Variants in TERB1 observed in about 807,000 individuals in gnomAD.
The protein encoded by TERB1 is telomere repeat binding bouquet formation protein 1, also known as telomere repeats-binding bouquet formation protein 1.
Under a neutral mutation model 92.3 loss-of-function variants are expected in TERB1, and 63 were observed. The observed-to-expected ratio is 0.68, with a 90% CI of 0.56 to 0.84. The LOEUF (loss-of-function observed/expected upper bound fraction) is 0.84, where lower values mean the gene tolerates loss of function less well. Among genes scored for constraint, TERB1 ranks in the 40% least tolerant of loss-of-function variants. TERB1 has a pLI of 0.00. For missense variants in TERB1, 709 were observed against 843.7 expected (o/e 0.84, Z 1.98); for synonymous variants, 252 against 283.9 (o/e 0.89, Z 1.13).
chr16:66,790,738 GAAA>G lies in TERB1; in HGVS notation c.143-18_143-16del, dbSNP rs1043261781. On this transcript the variant is annotated splice_polypyrimidine_tract_variant and intron_variant, in intron 4 of 18. Transcript: ENST00000433154. The stretch of plus-strand genomic sequence containing the variant: ...ACTTGCATTACCTGTAGGATGTGCA[GAAA>G]AAAAACAAAATAGAAATGATATTTA... 2 of 1,537,146 alleles carry G rather than the reference GAAA, an allele frequency of 1.3e-6. No individual in the cohort carries two copies. The highest frequency in any genetic ancestry group is 2.8e-5 in the African/African-American group (2 of 71,702).
chr16:66,767,601 C>G, intron 15 of TERB1, 91 bp from the exon 16 acceptor site: 1 of 655,236 alleles, frequency 1.5e-6, no homozygotes, highest in Non-Finnish European at 2.6e-6. Context: ...TTTCATAAAC[C>G]TTAGCCTAGT....
chr16:66,772,481 C>CA (rs957404222), intron 13 of TERB1, 108 bp downstream of exon 13: 42 of 1,066,182 alleles, frequency 3.9e-5, no homozygotes, highest in Non-Finnish European at 4.8e-5. Context: ...GACTCTGTCT[C>CA]AAAAAAAATT....
At position 66,777,318 on chromosome 16, in the gene TERB1, T is replaced by C. The variant is rs1203447499; in HGVS notation, c.870A>G (p.Val290=). The change falls in exon 11 of 19, where the codon GTA becomes GTG. Residue 290 remains valine, a synonymous_variant. Transcript: ENST00000433154. Reference sequence around the variant, plus strand: ...TAGAAACAATGTGGTACTTGGAGAGTACTATCCCAAAAGTAGCTATTAGTA... The same window carrying C: ...TAGAAACAATGTGGTACTTGGAGAGCACTATCCCAAAAGTAGCTATTAGTA... The part of the protein sequence containing the change: ...CIADNPTFGI[V]LSKYHIVSKL... The C allele has an allele frequency of 1.3e-6, 2 of 1,543,586 alleles. No homozygotes were observed. The highest frequency in any genetic ancestry group is 1.8e-6 in the Non-Finnish European group (2 of 1,141,392).
chr16:66,788,842 TTCCTAGAACCAGCC>T, intron 5 of TERB1, among the ~76,000 whole-genome samples: 1 of 151,750 alleles, frequency 6.6e-6, no homozygotes, highest in Non-Finnish European at 1.5e-5. Context: ...TTTCATCCAG[TTCCTAGAACCAGCC>T]ATTAGACCCT....
At chr16:66,799,991 A>G (rs1412324668) in intron 2 of TERB1, 3 of 152,232 alleles carry the variant, frequency 2.0e-5, no homozygotes, top group African/African-American at 7.2e-5. Context: ...CCAAAACAGT[A>G]GTGTTAACTC....
At chr16:66,756,520 C>A (rs1050564554) in intron 18 of TERB1, among the ~76,000 whole-genome samples, 4 of 152,112 alleles carry the variant, frequency 2.6e-5, no homozygotes, top group African/African-American at 4.8e-5. Context: ...ATTGGTAAAA[C>A]TATCTCAAAG....
intron 17 of TERB1, 144 bp from the exon 18 acceptor site, chr16:66,758,982 A>G: frequency 2.2e-6 from 2 of 925,808 alleles, no homozygotes; most frequent in Non-Finnish European, 3.3e-6. Flanking sequence ...CAACAGTCTA[A>G]GACTACTCCC....
In TERB1 at chr16:66,790,578, A is replaced by G. The variant is rs1567478058; in HGVS notation, c.271+17T>C. On this transcript the variant is annotated intron_variant, in intron 5 of 18. Transcript: ENST00000433154. ...CACAATGCTTAAAGTATAATGAAAT[A>G]AAGTTTTATATTTTACCATTTTTCT... The G allele has an allele frequency of 1.3e-6, 2 of 1,504,686 alleles. No individual in the cohort carries two copies. Among genetic ancestry groups the G allele is most frequent in the Non-Finnish European group, 1.8e-6 (2 of 1,112,254 alleles). The allele number at this position is 1,504,686 out of a possible 1,614,324, so 93.2% of individuals were successfully genotyped here.
intron 9 of TERB1, among the ~76,000 whole-genome samples, chr16:66,781,195 CA>C (rs1283312115): frequency 1.3e-5 from 2 of 152,082 alleles, no homozygotes; most frequent in African/African-American, 4.8e-5. Context: ...AGGACTAAAA[CA>C]GGTGCATGCC....
At chr16:66,784,022 T>A (rs577286045) in intron 9 of TERB1, among the ~76,000 whole-genome samples, 11 of 152,372 alleles carry the variant, frequency 7.2e-5, no homozygotes, top group Admixed American at 2.6e-4. Flanking sequence ...CCAACTCATC[T>A]AAGTTGTTAA....
chr16:66,801,513 G>A lies in TERB1; in HGVS notation c.-155C>T, dbSNP rs751198704. ...GGCAGGACAACAACGCGCGGGAGCG[G>A]AGGCCGTGGCGTCTACCCTCAAGCG... is the stretch of plus-strand genomic sequence containing the variant. On this transcript the variant is annotated 5_prime_UTR_variant, in exon 1 of 19. Coordinates refer to ENST00000433154, the MANE Select transcript of TERB1 (RefSeq NM_001136505.2). 6.6e-6 allele frequency: 1 copy of A among 152,298 alleles called. No individual in the cohort carries two copies. The highest frequency in any genetic ancestry group is 1.5e-5 in the Non-Finnish European group (1 of 68,094). 9.4% of individuals were successfully genotyped at this position (152,298 alleles called of 1,614,324 possible). A position where few individuals can be genotyped will look rare whatever the true frequency, so the allele number is the denominator to read the frequency against.
At chr16:66,773,434 A>C (rs2018489091) in intron 12 of TERB1, among the ~76,000 whole-genome samples, 1 of 152,148 alleles carries the variant, frequency 6.6e-6, no homozygotes, top group Non-Finnish European at 1.5e-5. Flanking sequence ...TTTCTTCCAC[A>C]AAGATCAAAA....
chr16:66,787,879 G>A (rs1248873135), intron 6 of TERB1, among the ~76,000 whole-genome samples: 2 of 152,072 alleles, frequency 1.3e-5, no homozygotes, highest in African/African-American at 2.4e-5. Flanking sequence ...TGGCCAACAT[G>A]GTGCAACCCC....
chr16:66,770,266 A>G lies in TERB1; in HGVS notation c.1316T>C (p.Met439Thr). 1 of 1,550,822 alleles carries G rather than the reference A, an allele frequency of 6.4e-7. No homozygotes were observed. The highest frequency in any genetic ancestry group is 1.2e-5 in the South Asian group (1 of 83,730). ...RENYQDNISS[M>T]NISIQNTWKH... ...CCATGTATTCTGAATACTTATGTTC[A>G]TAGATGAAATATTATCCTGATAGTT... Residue 439 changes from methionine (M) to threonine (T), a missense_variant, in exon 14 of 19, where the codon ATG becomes ACG. Coordinates refer to ENST00000433154, the MANE Select transcript of TERB1 (RefSeq NM_001136505.2).
intron 16 of TERB1, among the ~76,000 whole-genome samples, chr16:66,764,222 T>G (rs1256361476): frequency 1.3e-5 from 2 of 152,102 alleles, no homozygotes; most frequent in Non-Finnish European, 2.9e-5. Context: ...GCAAAATAAA[T>G]GAAGGGATTT....
intron 14 of TERB1, 81 bp downstream of exon 14, chr16:66,769,882 T>A: frequency 1.1e-6 from 1 of 937,334 alleles, no homozygotes. Flanking sequence ...ACATGCCCAA[T>A]ATTTAACAGT....
chr16:66,770,483 T>C (rs1168759185), intron 13 of TERB1, among the ~76,000 whole-genome samples, 174 bp from the exon 14 acceptor site: 1 of 152,140 alleles, frequency 6.6e-6, no homozygotes, highest in Non-Finnish European at 1.5e-5. Flanking sequence ...TTAAACAATA[T>C]TGGGACAATT....
At chr16:66,766,901 C>G (rs942067648) in intron 16 of TERB1, among the ~76,000 whole-genome samples, 7 of 152,120 alleles carry the variant, frequency 4.6e-5, no homozygotes, top group Admixed American at 3.9e-4. Flanking sequence ...CCAGCCTTGG[C>G]CTTCCAAAGT....
chr16:66,783,251 G>A (rs2018668067), intron 9 of TERB1, among the ~76,000 whole-genome samples: 1 of 152,146 alleles, frequency 6.6e-6, no homozygotes, highest in African/African-American at 2.4e-5. Context: ...TCACATTAAG[G>A]AAGTTTCCTT....
Sources: gnomAD v4.1 joint callset for allele counts (sites outside exome capture counted in the v4.1 genomes callset) on GRCh38, gnomAD v4.1.1 for gene constraint, MANE v1.5 for transcripts, NCBI Gene and HGNC (gene_info 2026-07-23, HGNC 2026-07-21) for gene names.